Variants in CDC42BPB observed in about 807,000 individuals in gnomAD.
The protein encoded by CDC42BPB is CDC42 binding protein kinase beta.
Under a neutral mutation model 214.9 loss-of-function variants are expected in CDC42BPB, and 37 were observed. The observed-to-expected ratio is 0.17, with a 90% CI of 0.13 to 0.23. The LOEUF is 0.23. CDC42BPB is among the 10% of genes least tolerant of loss of function. CDC42BPB has a pLI of 1.00. For missense variants in CDC42BPB, 1,694 were observed against 2,227.0 expected (o/e 0.76, Z 4.82); for synonymous variants, 931 against 884.0 (o/e 1.05, Z -0.94).
chr14:103,034,246 G>A (rs1887545743), intron 1 of CDC42BPB, among the ~76,000 whole-genome samples: 1 of 152,208 alleles, frequency 6.6e-6, no homozygotes, highest in East Asian at 1.9e-4. Flanking sequence ...GGCCAGGCGT[G>A]ATGGCTCATG....
intron 22 of CDC42BPB, 82 bp from the exon 23 acceptor site, chr14:102,954,357 A>T: frequency 5.5e-6 from 8 of 1,449,152 alleles, no homozygotes; most frequent in Non-Finnish European, 7.3e-6. Flanking sequence ...CACTTCTCTC[A>T]AGAATGTGTT....
In CDC42BPB at chr14:102,954,181, G is replaced by A; in HGVS notation, c.3066+17C>T. 6.6e-7 allele frequency: 1 copy of A among 1,524,956 alleles called. No individual in the cohort carries two copies. The highest frequency in any genetic ancestry group is 8.9e-7 in the Non-Finnish European group (1 of 1,123,942). The allele number at this position is 1,524,956 out of a possible 1,614,324, so 94.5% of individuals were successfully genotyped here. On this transcript the variant is annotated intron_variant, in intron 23 of 36. Transcript: ENST00000361246. ...AAATAACTAAGAAGGCGCCCCGGGT[G>A]AAAGCAAGGCCCCTACCTTCGGTCC...
chr14:103,023,595 C>G (rs560615708), intron 1 of CDC42BPB, among the ~76,000 whole-genome samples: 2 of 152,284 alleles, frequency 1.3e-5, no homozygotes, highest in South Asian at 4.1e-4. Flanking sequence ...GCATGAACCA[C>G]TATACCTGAT....
intron 8 of CDC42BPB, among the ~76,000 whole-genome samples, chr14:102,980,486 T>G (rs182382432): frequency 6.6e-6 from 1 of 150,980 alleles, no homozygotes; most frequent in Non-Finnish European, 1.5e-5. Flanking sequence ...AGCAAGACTG[T>G]CTCAAAAAAA....
At chr14:102,961,242 C>G (rs546363668) in intron 20 of CDC42BPB, among the ~76,000 whole-genome samples, 1 of 152,206 alleles carries the variant, frequency 6.6e-6, no homozygotes, top group East Asian at 1.9e-4. Flanking sequence ...GGGAATCCCT[C>G]CAACAACTGG....
chr14:102,944,780 G>T lies in CDC42BPB; in HGVS notation c.3812-293C>A. 1.7e-6 allele frequency: 1 copy of T among 573,934 alleles called. No individual in the cohort carries two copies. Among genetic ancestry groups the T allele is most frequent in the Non-Finnish European group, 2.2e-6 (1 of 454,236 alleles). The allele number at this position is 573,934 out of a possible 1,614,324, so 35.6% of individuals were successfully genotyped here. A position where few individuals can be genotyped will look rare whatever the true frequency, so the allele number is the denominator to read the frequency against. On this transcript the variant is annotated intron_variant, in intron 29 of 36. Coordinates refer to ENST00000361246, the MANE Select transcript of CDC42BPB (RefSeq NM_006035.4). This position sits in a 1 kb window ranked among gnomAD's most constrained non-coding sequence, Gnocchi z 6.6. Reference sequence around the variant, plus strand: ...TGTGCACACCCCTCAGTGCACCAGGGCTCCAGCTGGGCAGCGCTTCCACCT... The same window carrying T: ...TGTGCACACCCCTCAGTGCACCAGGTCTCCAGCTGGGCAGCGCTTCCACCT...
chr14:102,990,024 G>A (rs1465396692), intron 5 of CDC42BPB, among the ~76,000 whole-genome samples: 1 of 152,218 alleles, frequency 6.6e-6, no homozygotes, highest in African/African-American at 2.4e-5. Flanking sequence ...ACTGGCTACG[G>A]ATCCTGGGTT....
At chr14:103,056,790 C>T (rs1888998087) in intron 1 of CDC42BPB, among the ~76,000 whole-genome samples, 1 of 151,804 alleles carries the variant, frequency 6.6e-6, no homozygotes, top group South Asian at 2.1e-4. Flanking sequence ...GAAAAGCTAG[C>T]GGAGGGACGA....
chr14:102,962,000 C>T (rs930889014), intron 20 of CDC42BPB, among the ~76,000 whole-genome samples: 3 of 152,172 alleles, frequency 2.0e-5, no homozygotes, highest in Non-Finnish European at 2.9e-5. Context: ...TTTTTAAAAG[C>T]GGGCAAACAA....
chr14:102,940,589 G>T, intron 30 of CDC42BPB: 1 of 903,632 alleles, frequency 1.1e-6, no homozygotes, highest in Non-Finnish European at 1.6e-6. Context: ...TGTTGAAGGT[G>T]ACTTTTAAAA....
At chr14:102,939,430 G>A (rs1258582763) in intron 34 of CDC42BPB, among the ~76,000 whole-genome samples, 180 bp downstream of exon 34, 1 of 152,240 alleles carries the variant, frequency 6.6e-6, no homozygotes, top group African/African-American at 2.4e-5. Flanking sequence ...CCTTGTGACA[G>A]GGTAAGTGCT....
In CDC42BPB at chr14:102,975,698, T is replaced by C. The variant is rs773352644; in HGVS notation, c.1493A>G (p.Lys498Arg). ...KKLNEEIERL[K>R]NKIADSNRLE... ...TAAACACATACCTGCTATTTTATTC[T>C]TCAAGCGTTCGATTTCTTCATTTAG... Residue 498 changes from lysine to arginine, a missense_variant, in exon 11 of 37, where the codon AAG becomes AGG. By Grantham distance (26) the Lys-to-Arg change is conservative (BLOSUM62 2). Coordinates refer to ENST00000361246, the MANE Select transcript of CDC42BPB (RefSeq NM_006035.4). 5.6e-5 allele frequency: 90 copies of C among 1,614,078 alleles called. No individual in the cohort carries two copies. The highest frequency in any genetic ancestry group is 6.8e-5 in the Non-Finnish European group (80 of 1,179,994).
At chr14:102,986,761 T>C (rs1894264341) in intron 5 of CDC42BPB, 181 bp from the exon 6 acceptor site, 2 of 982,946 alleles carry the variant, frequency 2.0e-6, no homozygotes, top group African/African-American at 3.5e-5. Flanking sequence ...CGAAGTCGTA[T>C]CACTGCCCCT....
chr14:102,965,388 TAA>T (rs765936398), intron 18 of CDC42BPB, among the ~76,000 whole-genome samples: 52 of 115,256 alleles, frequency 4.5e-4, no homozygotes, highest in African/African-American at 7.2e-4. Context: ...TACCTGTGAT[TAA>T]AAAAAAAAAA....
intron 1 of CDC42BPB, among the ~76,000 whole-genome samples, chr14:103,026,140 A>AT (rs1887040227): frequency 6.6e-6 from 1 of 152,014 alleles, no homozygotes; most frequent in South Asian, 2.1e-4. Flanking sequence ...GCTCACACCT[A>AT]TAATCCCAGC....
chr14:103,033,010 A>G (rs1272687756), intron 1 of CDC42BPB, among the ~76,000 whole-genome samples: 2 of 152,006 alleles, frequency 1.3e-5, no homozygotes, highest in Non-Finnish European at 2.9e-5. Context: ...TTAATGTCAT[A>G]TTATTATGGC....
rs781604241 is a variant in CDC42BPB, at chr14:102,947,663, C to T, written c.3531+58G>A. 2.1e-4 allele frequency: 299 copies of T among 1,431,144 alleles called. 1 individual carries two copies. The highest frequency in any genetic ancestry group is 2.6e-4 in the Non-Finnish European group (266 of 1,015,654). The allele number at this position is 1,431,144 out of a possible 1,614,324, so 88.7% of individuals were successfully genotyped here. ...TGGCTGCCGCAGCACAATGACATGC[C>T]TAGAACAATCAGTTTTAACCATGTG... is the stretch of plus-strand genomic sequence containing the variant. On this transcript the variant is annotated intron_variant, in intron 27 of 36. Transcript: ENST00000361246.
intron 24 of CDC42BPB, among the ~76,000 whole-genome samples, chr14:102,951,170 G>T (rs1047065336): frequency 1.3e-5 from 2 of 152,128 alleles, no homozygotes; most frequent in African/African-American, 4.8e-5. Flanking sequence ...AGCCCGGGCC[G>T]CCTCCCACAC....
At position 102,968,298 on chromosome 14, in the gene CDC42BPB, C is replaced by T. The variant is rs749276716; in HGVS notation, c.2301G>A (p.Ala767=). The part of the protein sequence containing the change: ...TIKDKYERER[A]MLFDENKKLT... ...GCTTCTTGTTTTCATCAAACAGCAT[C>T]GCTCTTTCTCGTTCGTATTTATCTT... is the stretch of plus-strand genomic sequence containing the variant. The change falls in exon 16 of 37, where the codon GCG becomes GCA. Residue 767 remains alanine (A), a synonymous_variant. Coordinates refer to ENST00000361246, the MANE Select transcript of CDC42BPB (RefSeq NM_006035.4). 6.3e-5 allele frequency: 101 copies of T among 1,613,904 alleles called. 1 individual carries two copies. The highest frequency in any genetic ancestry group is 8.2e-5 in the Non-Finnish European group (97 of 1,179,992).
Sources: gnomAD v4.1 joint callset for allele counts (sites outside exome capture counted in the v4.1 genomes callset) on GRCh38, gnomAD v4.1.1 for gene constraint, Gnocchi (gnomAD v3.1) non-coding constraint, MANE v1.5 for transcripts, NCBI Gene and HGNC (gene_info 2026-07-23, HGNC 2026-07-21) for gene names.